Variants in STRN3 observed in about 807,000 individuals in gnomAD.
STRN3 encodes striatin 3, also known as striatin-3.
In STRN3, 29 loss-of-function variants were observed where a neutral mutation model predicts 95.6. That is an observed-to-expected ratio of 0.30 (90% CI 0.23 to 0.41). The LOEUF (loss-of-function observed/expected upper bound fraction) is 0.41. STRN3 is among the 10% of genes least tolerant of loss of function. The pLI, the probability that STRN3 is intolerant of heterozygous loss-of-function variation, is 1.00. For missense variants in STRN3, 890 were observed against 972.1 expected, an observed-to-expected ratio of 0.92 and a Z score of 1.12; for synonymous variants, 331 against 357.6, an observed-to-expected ratio of 0.93 and a Z score of 0.84.
chr14:31,018,613 C>G, intron 1 of STRN3: 2 of 506,290 alleles, frequency 4.0e-6, no homozygotes, highest in Non-Finnish European at 8.0e-6. Flanking sequence ...CCCAGCAGAC[C>G]ACAGAGCTCA....
chr14:30,975,381 T>A (rs888228430), intron 1 of STRN3, among the ~76,000 whole-genome samples: 1 of 151,322 alleles, frequency 6.6e-6, no homozygotes, highest in Non-Finnish European at 1.5e-5. Context: ...AATGATATAA[T>A]GAACTTTGGG....
At chr14:30,906,821 T>C in intron 14 of STRN3, 56 bp downstream of exon 14, 2 of 1,521,260 alleles carry the variant, frequency 1.3e-6, no homozygotes, top group African/African-American at 1.4e-5. Flanking sequence ...TTGTCCTTTA[T>C]ATATTCCAAT....
chr14:30,941,628 C>T (rs1334736300), intron 5 of STRN3, among the ~76,000 whole-genome samples: 17 of 149,698 alleles, frequency 1.1e-4, no homozygotes, highest in Admixed American at 1.4e-4. Flanking sequence ...GCTTCTTAAA[C>T]TTTTTTTTTC....
intron 5 of STRN3, among the ~76,000 whole-genome samples, chr14:30,940,652 G>A (rs1879049028): frequency 6.6e-6 from 1 of 152,088 alleles, no homozygotes; most frequent in South Asian, 2.1e-4. Flanking sequence ...TGATTTTATG[G>A]AGTAACTGGA....
At chr14:30,964,073 G>A (rs763856801) in intron 1 of STRN3, among the ~76,000 whole-genome samples, 74 of 152,184 alleles carry the variant, frequency 4.9e-4, no homozygotes, top group Middle Eastern at 3.4e-3. Flanking sequence ...CCAACATGGC[G>A]AAACCCCATC....
At chr14:30,908,177 C>A (rs888824463) in intron 13 of STRN3, among the ~76,000 whole-genome samples, 2 of 152,132 alleles carry the variant, frequency 1.3e-5, no homozygotes, top group African/African-American at 4.8e-5. Context: ...CACAAATTCT[C>A]CTCCTTGGAA....
chr14:30,976,635 TAAC>T (rs1486064150), intron 1 of STRN3, among the ~76,000 whole-genome samples: 2 of 152,244 alleles, frequency 1.3e-5, no homozygotes, highest in Non-Finnish European at 2.9e-5. Flanking sequence ...AAACCCATCT[TAAC>T]AACTTTAAAA....
Position 30,949,047 on chromosome 14 carries a change from A to G in STRN3, c.543-1784T>C, listed in dbSNP as rs930819186. On this transcript the variant is annotated intron_variant, in intron 4 of 17. Coordinates refer to ENST00000357479, the MANE Select transcript of STRN3 (RefSeq NM_001083893.2). ...ATACAGAAAAAAAGTGGTTTTCAGA[A>G]GAAAAGAATAAACCTAAGATAGAGA... 8.5e-5 allele frequency among the ~76,000 whole-genome samples: 13 copies of G among 152,358 alleles called. No individual in the cohort carries two copies. In the East Asian group the frequency reaches 2.5e-3, roughly 29 times the overall value.
chr14:30,990,252 T>C (rs1881890485), intron 1 of STRN3, among the ~76,000 whole-genome samples: 2 of 151,270 alleles, frequency 1.3e-5, no homozygotes, highest in Admixed American at 1.3e-4. Flanking sequence ...AAGCTCTGCC[T>C]CTCGGGTTCA....
intron 1 of STRN3, among the ~76,000 whole-genome samples, chr14:31,008,127 G>A (rs923448096): frequency 5.3e-5 from 8 of 151,576 alleles, no homozygotes; most frequent in African/African-American, 1.9e-4. Flanking sequence ...GGAGGTGGGG[G>A]TTGCAGTGAG....
intron 13 of STRN3, among the ~76,000 whole-genome samples, chr14:30,910,263 T>C (rs747732008): frequency 8.5e-5 from 13 of 152,224 alleles, no homozygotes; most frequent in Non-Finnish European, 1.8e-4. Context: ...CTCTCAACAG[T>C]ACTCTATCTT....
chr14:31,002,470 C>CA (rs59491889), intron 1 of STRN3, among the ~76,000 whole-genome samples: 1,068 of 81,556 alleles, frequency 0.013, 13 homozygotes, highest in African/African-American at 0.04. Context: ...GACTCTGTCT[C>CA]AAAAAAAAAA....
chr14:31,025,910 T>C lies in STRN3; in HGVS notation c.276A>G (p.Glu92=), dbSNP rs1883854462. Residue 92 remains glutamate (E), a synonymous_variant, in exon 1 of 18, where the codon GAA becomes GAG. Coordinates refer to ENST00000357479, the MANE Select transcript of STRN3 (RefSeq NM_001083893.2). ...ERAHWEVERA[E]LQARIAFLQG... ...ACCGACCCCAACGAGGTACCTGCAGTTCGGCCCGTTCCACCTCCCAGTGCG... is the reference window on the plus strand; with the variant it reads ...ACCGACCCCAACGAGGTACCTGCAGCTCGGCCCGTTCCACCTCCCAGTGCG... 1.2e-6 allele frequency: 2 copies of C among 1,600,592 alleles called. No individual in the cohort carries two copies. Among genetic ancestry groups the C allele is most frequent in the African/African-American group, 2.7e-5 (2 of 74,506 alleles).
At position 30,929,110 on chromosome 14, in the gene STRN3, A is replaced by G. The variant is rs1470986859; in HGVS notation, c.1099+91T>C. 5.3e-6 allele frequency: 6 copies of G among 1,122,918 alleles called. No individual in the cohort carries two copies. In the African/African-American group the frequency reaches 9.6e-5, roughly 18 times the overall value. The allele number at this position is 1,122,918 out of a possible 1,614,324, so 69.6% of individuals were successfully genotyped here. A position where few individuals can be genotyped will look rare whatever the true frequency, so the allele number is the denominator to read the frequency against. On this transcript the variant is annotated intron_variant, in intron 8 of 17. Coordinates refer to ENST00000357479, the MANE Select transcript of STRN3 (RefSeq NM_001083893.2). ...AGTTAGTTGCCCCCTTTATGAAACA[A>G]AAAATTAAGTTACACAAAGAAACAG...
intron 1 of STRN3, among the ~76,000 whole-genome samples, chr14:30,957,186 G>A (rs1037187153): frequency 2.0e-5 from 3 of 151,596 alleles, no homozygotes; most frequent in South Asian, 2.1e-4. Flanking sequence ...CGAGCGCGGC[G>A]GCTCACGCCT....
chr14:30,972,667 G>T (rs1024750821), intron 1 of STRN3, among the ~76,000 whole-genome samples: 1 of 152,028 alleles, frequency 6.6e-6, no homozygotes, highest in African/African-American at 2.4e-5. Context: ...AATTAGCTGG[G>T]TATGGTGGTG....
chr14:31,004,830 C>A (rs1376504550), intron 1 of STRN3, among the ~76,000 whole-genome samples: 1 of 151,630 alleles, frequency 6.6e-6, no homozygotes. Context: ...ATACTGTACA[C>A]CAAAAATTAT....
At chr14:30,977,139 T>C (rs1881145071) in intron 1 of STRN3, among the ~76,000 whole-genome samples, 1 of 151,272 alleles carries the variant, frequency 6.6e-6, no homozygotes, top group South Asian at 2.1e-4. Flanking sequence ...GGCAGGAGAG[T>C]CGCTTGAACC....
intron 1 of STRN3, among the ~76,000 whole-genome samples, chr14:30,985,399 T>A (rs1314133536): frequency 6.6e-6 from 1 of 151,660 alleles, no homozygotes; most frequent in Admixed American, 6.6e-5. Flanking sequence ...AGGTCGGGAG[T>A]TCGAGACCAA....
Sources: gnomAD v4.1 joint callset for allele counts (sites outside exome capture counted in the v4.1 genomes callset) on GRCh38, gnomAD v4.1.1 for gene constraint, MANE v1.5 for transcripts, NCBI Gene and HGNC (gene_info 2026-07-23, HGNC 2026-07-21) for gene names.